RCAN1: variants seen among roughly 807,000 people sequenced by gnomAD.
The protein encoded by RCAN1 is regulator of calcineurin 1.
Under a neutral mutation model 22.9 loss-of-function variants are expected in RCAN1, and 11 were observed. The observed-to-expected ratio is 0.48, with a 90% CI of 0.30 to 0.79. The LOEUF (loss-of-function observed/expected upper bound fraction) is 0.79. RCAN1 is among the 30% of genes least tolerant of loss of function. The pLI is 0.06. For synonymous variants in RCAN1, 136 were observed against 142.3 expected (o/e 0.96, Z 0.32); for missense variants, 291 against 337.8 (o/e 0.86, Z 1.09).
chr21:34,557,195 A>G (rs1601171540), intron 1 of RCAN1, among the ~76,000 whole-genome samples: 1 of 152,240 alleles, frequency 6.6e-6, no homozygotes, highest in Admixed American at 6.5e-5. Context: ...CCTTGGTGAC[A>G]GAGTGAGACT....
At chr21:34,592,755 C>G (rs1440747899) in intron 1 of RCAN1, among the ~76,000 whole-genome samples, 1 of 152,184 alleles carries the variant, frequency 6.6e-6, no homozygotes, top group Non-Finnish European at 1.5e-5. Flanking sequence ...CATTTCTTGG[C>G]TGAGGCTGTC....
intron 1 of RCAN1, among the ~76,000 whole-genome samples, chr21:34,587,512 T>C (rs1987839601): frequency 6.6e-6 from 1 of 152,064 alleles, no homozygotes; most frequent in African/African-American, 2.4e-5. Flanking sequence ...ATATCTTTCA[T>C]GAACATAAAC....
rs75164678 is a variant in RCAN1 at position 34,595,897 on chromosome 21, G to T, written c.252+18863C>A. ...ATACGTGTGAAAAGGGGAGTCTGGG[G>T]GTCCCCCACACAGTCCATCTACGCA... On this transcript the variant is annotated intron_variant, in intron 1 of 3. Transcript: ENST00000313806. Among the ~76,000 whole-genome samples the T allele has an allele frequency of 5.0e-3, 768 of 152,318 alleles. 8 individuals carry two copies. Among genetic ancestry groups the T allele is most frequent in the African/African-American group, 0.017 (722 of 41,586 alleles).
At chr21:34,604,267 A>G (rs1988455439) in intron 1 of RCAN1, among the ~76,000 whole-genome samples, 1 of 152,086 alleles carries the variant, frequency 6.6e-6, no homozygotes, top group Non-Finnish European at 1.5e-5. Flanking sequence ...AGTAGCTAGG[A>G]TTACAGGCGC....
At chr21:34,541,803 G>A (rs1169794570) in intron 1 of RCAN1, among the ~76,000 whole-genome samples, 2 of 152,090 alleles carry the variant, frequency 1.3e-5, no homozygotes, top group African/African-American at 2.4e-5. Context: ...GCGTGGTGGC[G>A]GGTGCCTGTA....
chr21:34,593,096 T>C (rs1213526716), intron 1 of RCAN1, among the ~76,000 whole-genome samples: 1 of 152,226 alleles, frequency 6.6e-6, no homozygotes, highest in Non-Finnish European at 1.5e-5. Context: ...TAGATTACAA[T>C]AACATTTGAC....
At chr21:34,550,524 G>A (rs1276226353) in intron 1 of RCAN1, among the ~76,000 whole-genome samples, 1 of 152,186 alleles carries the variant, frequency 6.6e-6, no homozygotes, top group African/African-American at 2.4e-5. Flanking sequence ...AAGACCATGT[G>A]AGGACACAGA....
chr21:34,549,166 C>T (rs985526149), intron 1 of RCAN1, among the ~76,000 whole-genome samples: 3 of 152,078 alleles, frequency 2.0e-5, no homozygotes, highest in Non-Finnish European at 1.5e-5. Flanking sequence ...GACTAAGGCG[C>T]CATGAGCATG....
chr21:34,590,343 T>C (rs1422548275), intron 1 of RCAN1, among the ~76,000 whole-genome samples: 1 of 152,262 alleles, frequency 6.6e-6, no homozygotes, highest in Non-Finnish European at 1.5e-5. Flanking sequence ...AAGATATTGC[T>C]TTGTTTTCCC....
chr21:34,521,828 C>A, intron 2 of RCAN1, 170 bp from the exon 3 acceptor site: 1 of 607,864 alleles, frequency 1.6e-6, no homozygotes, highest in South Asian at 2.1e-5. Context: ...GGCAAAAGGA[C>A]ATATGAACTC....
At chr21:34,589,973 T>C (rs1386114008) in intron 1 of RCAN1, among the ~76,000 whole-genome samples, 1 of 152,234 alleles carries the variant, frequency 6.6e-6, no homozygotes, top group Non-Finnish European at 1.5e-5. Flanking sequence ...TTGGTTCTGT[T>C]TCCCTGGAGA....
At chr21:34,528,047 G>A (rs1388091687) in intron 1 of RCAN1, among the ~76,000 whole-genome samples, 1 of 152,088 alleles carries the variant, frequency 6.6e-6, no homozygotes, top group Non-Finnish European at 1.5e-5. Flanking sequence ...GGCAGCCTGG[G>A]TCCTATGTTC....
chr21:34,531,915 A>G (rs1357397561), intron 1 of RCAN1, among the ~76,000 whole-genome samples: 3 of 152,096 alleles, frequency 2.0e-5, no homozygotes, highest in Non-Finnish European at 2.9e-5. Flanking sequence ...TGTTAAAAAA[A>G]TATTATTCAA....
Position 34,611,692 on chromosome 21 carries a change from T to C in RCAN1, c.252+3068A>G, listed in dbSNP as rs908052332. On this transcript the variant is annotated intron_variant, in intron 1 of 3. Coordinates refer to ENST00000313806, the MANE Select transcript of RCAN1 (RefSeq NM_004414.7). ...AATGATCTGTTTACACAAGGGGAGA[T>C]ACCACCAACCTAAAGTAGATTTACA... Among the ~76,000 whole-genome samples the C allele has an allele frequency of 3.9e-5, 6 of 152,304 alleles. No individual in the cohort carries two copies. The East Asian group carries it at 1.2e-3, about 29-fold the overall frequency.
intron 1 of RCAN1, among the ~76,000 whole-genome samples, chr21:34,584,913 G>A (rs1337225500): frequency 6.6e-6 from 1 of 152,166 alleles, no homozygotes; most frequent in African/African-American, 2.4e-5. Context: ...TGTGGCATTA[G>A]AAACTGAAAA....
Position 34,578,531 on chromosome 21 carries a change from C to T in RCAN1, c.252+36229G>A, listed in dbSNP as rs148846462. Among the ~76,000 whole-genome samples, 509 of 152,212 alleles carry T rather than the reference C, an allele frequency of 3.3e-3. 1 individual carries two copies. The highest frequency in any genetic ancestry group is 0.011 in the African/African-American group (470 of 41,520). ...TCCCAGGCAGGTGATTGTCACAGGG[C>T]GGCAGATCAGAACAGACAGACTAGT... On this transcript the variant is annotated intron_variant, in intron 1 of 3. Transcript: ENST00000313806.
intron 1 of RCAN1, among the ~76,000 whole-genome samples, chr21:34,549,492 T>C (rs947986865): frequency 3.9e-5 from 6 of 152,276 alleles, no homozygotes; most frequent in Non-Finnish European, 7.4e-5. Context: ...ATACCGAGGA[T>C]CCCAAAATGA....
chr21:34,561,853 A>C (rs546782745), intron 1 of RCAN1, among the ~76,000 whole-genome samples: 28 of 152,348 alleles, frequency 1.8e-4, no homozygotes, highest in Admixed American at 3.3e-4. Context: ...GGACAGCTGG[A>C]GCACGCTGGG....
intron 1 of RCAN1, among the ~76,000 whole-genome samples, chr21:34,598,164 G>A (rs1017256310): frequency 1.2e-4 from 18 of 152,208 alleles, no homozygotes; most frequent in Non-Finnish European, 2.4e-4. Context: ...TTCCATTTTC[G>A]TTTTCATTCT....
Sources: allele counts gnomAD v4.1 joint callset (sites outside exome capture counted in the v4.1 genomes callset), GRCh38; gene constraint gnomAD v4.1.1; transcripts MANE v1.5; gene names NCBI Gene and HGNC (gene_info 2026-07-23, HGNC 2026-07-21).